CLCN4: variants seen among roughly 807,000 people sequenced by gnomAD.
CLCN4 encodes the protein Cl-/H+ antiporter 4, also known as H(+)/Cl(-) exchange transporter 4.
Under a neutral mutation model 41.7 loss-of-function variants are expected in CLCN4, and 1 was observed. That is an observed-to-expected ratio of 0.02 (90% confidence interval 0.01 to 0.11). The LOEUF (loss-of-function observed/expected upper bound fraction) is 0.11, where lower values mean the gene tolerates loss of function less well. CLCN4 is among the 10% of genes least tolerant of loss of function. The probability of loss-of-function intolerance (pLI) is 1.00; values close to 1 mark genes in which losing one functional copy is unlikely to be tolerated. For synonymous variants in CLCN4, 277 were observed against 285.8 expected, an observed-to-expected ratio of 0.97 and a Z score of 0.31; for missense variants, 287 against 661.0, an observed-to-expected ratio of 0.43 and a Z score of 6.20.
intron 3 of CLCN4, 85 bp downstream of exon 3, chrX:10,185,261 G>A: frequency 2.1e-5 from 21 of 1,004,911 alleles, no homozygotes; most frequent in African/African-American, 5.7e-5. Flanking sequence ...TTAGGTCCAC[G>A]TACGTGTCAT....
At chrX:10,228,950 G>C (rs1037589749) in intron 12 of CLCN4, among the ~76,000 whole-genome samples, 6 of 111,981 alleles carry the variant, frequency 5.4e-5, no homozygotes, top group African/African-American at 2.0e-4. Flanking sequence ...AATGGGGGAT[G>C]GGGATGCTGC....
chrX:10,194,395 T>A (rs1242924731), intron 4 of CLCN4, among the ~76,000 whole-genome samples: 1 of 112,000 alleles, frequency 8.9e-6, no homozygotes, highest in Non-Finnish European at 1.9e-5. Flanking sequence ...ATTTAAATAA[T>A]GCAGAGAGTT....
At chrX:10,163,110 C>T (rs1336978378) in intron 2 of CLCN4, among the ~76,000 whole-genome samples, 1 of 113,689 alleles carries the variant, frequency 8.8e-6, no homozygotes, top group Non-Finnish European at 1.9e-5. Context: ...CCAGGTGCCC[C>T]CATCACATGG....
intron 4 of CLCN4, among the ~76,000 whole-genome samples, chrX:10,193,760 C>T (rs1368506729): frequency 8.9e-6 from 1 of 111,837 alleles, no homozygotes; most frequent in Admixed American, 9.5e-5. Context: ...TAGCTGTGCT[C>T]CAATAAAACT....
intron 2 of CLCN4, among the ~76,000 whole-genome samples, chrX:10,162,080 G>A (rs774068715): frequency 9.7e-6 from 1 of 102,568 alleles, no homozygotes; most frequent in South Asian, 4.9e-4. Flanking sequence ...TGCAGTGGTA[G>A]CGATCTCAGC....
intron 2 of CLCN4, among the ~76,000 whole-genome samples, chrX:10,180,534 G>A (rs377197056): frequency 5.4e-5 from 6 of 110,845 alleles, no homozygotes; most frequent in African/African-American, 2.0e-4. Flanking sequence ...TTGGGATGCC[G>A]AGGTGGGCGG....
At chrX:10,209,680 A>G in intron 9 of CLCN4, among the ~76,000 whole-genome samples, 1 of 111,481 alleles carries the variant, frequency 9.0e-6, no homozygotes, top group South Asian at 3.8e-4. Context: ...ACATGCCTTC[A>G]TTACTCTTGT....
At chrX:10,200,098 G>T (rs1924202911) in intron 6 of CLCN4, among the ~76,000 whole-genome samples, 1 of 111,665 alleles carries the variant, frequency 9.0e-6, no homozygotes, top group Admixed American at 9.4e-5. Context: ...TCACTCTATT[G>T]CCCGGGCTGG....
intron 11 of CLCN4, among the ~76,000 whole-genome samples, chrX:10,216,895 GTGTA>G (rs1480656359): frequency 9.5e-4 from 2 of 2,098 alleles, no homozygotes; most frequent in African/African-American, 1.6e-3. Context: ...GTGTGTGTGT[GTGTA>G]TATATATATA....
chrX:10,220,491 G>A (rs980155348), intron 11 of CLCN4, among the ~76,000 whole-genome samples, 170 bp from the exon 12 acceptor site: 4 of 112,222 alleles, frequency 3.6e-5, no homozygotes, highest in African/African-American at 1.3e-4. Context: ...TAGCTGCAGA[G>A]AGATGCCAAT....
At chrX:10,179,099 G>C (rs1388748628) in intron 2 of CLCN4, among the ~76,000 whole-genome samples, 1 of 112,467 alleles carries the variant, frequency 8.9e-6, no homozygotes, top group Non-Finnish European at 1.9e-5. Flanking sequence ...AGGATTTTCT[G>C]CTCTGTAATG....
intron 9 of CLCN4, among the ~76,000 whole-genome samples, chrX:10,212,052 C>T (rs1377596545): frequency 3.6e-5 from 4 of 111,411 alleles, no homozygotes; most frequent in Non-Finnish European, 7.5e-5. Context: ...AGTCGCAGGC[C>T]CTTCTTTTCC....
chrX:10,201,812 A>T (rs1198565729), intron 6 of CLCN4, among the ~76,000 whole-genome samples: 1 of 111,911 alleles, frequency 8.9e-6, no homozygotes, highest in Admixed American at 9.5e-5. Flanking sequence ...AACATTTTTT[A>T]AAATGCAAAT....
At chrX:10,229,730 T>C (rs1469325857) in intron 12 of CLCN4, among the ~76,000 whole-genome samples, 1 of 111,831 alleles carries the variant, frequency 8.9e-6, no homozygotes, top group Non-Finnish European at 1.9e-5. Flanking sequence ...GAACTCATCC[T>C]TTTTTATGGC....
rs1177011635 is a variant in CLCN4 at position 10,158,325 on chromosome X, G to T, written c.-238G>T. 3.4e-6 allele frequency: 1 copy of T among 290,941 alleles called. No homozygotes were observed. Among genetic ancestry groups the T allele is most frequent in the Non-Finnish European group, 6.0e-6 (1 of 166,411 alleles). 24.0% of individuals were successfully genotyped at this position (290,941 alleles called of 1,213,427 possible). ...TGCACACATCAAGCGAAACGCCTGA[G>T]GGGCGGCCAGCGCGAGGGTTTCTGG... is the stretch of plus-strand genomic sequence containing the variant. On this transcript the variant is annotated 5_prime_UTR_variant, in exon 2 of 13. In the 5' UTR this introduces an upstream ATG that the reference lacks. Transcript: ENST00000380833.
intron 10 of CLCN4, among the ~76,000 whole-genome samples, chrX:10,212,860 A>AC (rs1924601343): frequency 2.6e-5 from 2 of 76,208 alleles, no homozygotes; most frequent in Non-Finnish European, 4.8e-5. Context: ...CACACACACA[A>AC]ACAGATGCCC....
In CLCN4 at chrX:10,234,212, A is replaced by T. The variant is rs1380463713; in HGVS notation, c.*628A>T. ...CTTATCCATCAGTTTCTGAACCAAC[A>T]TCAGGGGCACCTGCCATGATGAGTG... On this transcript the variant is annotated 3_prime_UTR_variant, in exon 13 of 13. Coordinates refer to ENST00000380833, the MANE Select transcript of CLCN4 (RefSeq NM_001830.4). 8.9e-6 allele frequency: 1 copy of T among 112,706 alleles called. No individual in the cohort carries two copies. The highest frequency in any genetic ancestry group is 3.2e-5 in the African/African-American group (1 of 30,905). 9.3% of individuals were successfully genotyped at this position (112,706 alleles called of 1,213,427 possible).
intron 2 of CLCN4, among the ~76,000 whole-genome samples, chrX:10,161,203 G>T (rs1332023957): frequency 9.3e-6 from 1 of 107,006 alleles, no homozygotes; most frequent in Non-Finnish European, 1.9e-5. Context: ...ATGGTCTCCT[G>T]GGGGGAGATA....
Position 10,212,625 on chromosome X carries a change from C to T in CLCN4, c.1548C>T (p.Tyr516=), listed in dbSNP as rs111332758. The T allele has an allele frequency of 1.4e-4, 174 of 1,208,604 alleles. No homozygotes were observed. The African/African-American group carries it at 2.3e-3, about 16-fold the overall frequency. ...CAGACTGTGTCACGCCAGGGCTGTA[C>T]GCAATGGTGGGAGCTGCGGCCTGCC... ...PGADCVTPGL[Y]AMVGAAACLG... The change falls in exon 10 of 13, where the codon TAC becomes TAT. Residue 516 remains tyrosine (Y), a synonymous_variant. Coordinates refer to ENST00000380833, the MANE Select transcript of CLCN4 (RefSeq NM_001830.4).
Sources: allele counts gnomAD v4.1 joint callset (sites outside exome capture counted in the v4.1 genomes callset), GRCh38; gene constraint gnomAD v4.1.1; transcripts MANE v1.5; gene names NCBI Gene and HGNC (gene_info 2026-07-23, HGNC 2026-07-21).